Variants in SORCS3 observed in about 807,000 individuals in gnomAD.
SORCS3 encodes VPS10 domain-containing receptor SorCS3.
In SORCS3, 57 loss-of-function variants were observed where a neutral mutation model predicts 146.3. That is an observed-to-expected ratio of 0.39 (90% CI 0.31 to 0.49). The LOEUF is 0.49. SORCS3 is among the 20% of genes least tolerant of loss of function. SORCS3 has a pLI of 0.92. For synonymous variants in SORCS3, 653 were observed against 618.5 expected (o/e 1.06, Z -0.83); for missense variants, 1,341 against 1,575.5 (o/e 0.85, Z 2.52).
intron 2 of SORCS3, among the ~76,000 whole-genome samples, chr10:104,891,158 G>A (rs1280033476): frequency 1.3e-5 from 2 of 152,178 alleles, no homozygotes; most frequent in African/African-American, 2.4e-5. Context: ...GAAGTTTTCT[G>A]AGGTATTCTA....
intron 22 of SORCS3, among the ~76,000 whole-genome samples, chr10:105,251,115 C>T (rs2056895349): frequency 6.6e-6 from 1 of 152,142 alleles, no homozygotes; most frequent in African/African-American, 2.4e-5. Context: ...ATACCCGAAA[C>T]TGGGTAATTT....
intron 2 of SORCS3, among the ~76,000 whole-genome samples, chr10:104,868,603 C>A (rs1367892888): frequency 1.3e-5 from 2 of 152,322 alleles, no homozygotes; most frequent in South Asian, 4.1e-4. Context: ...CTGATGGCAT[C>A]TCAGCCAGTG....
intron 13 of SORCS3, 59 bp from the exon 14 acceptor site, chr10:105,178,007 T>C: frequency 7.7e-7 from 1 of 1,303,588 alleles, no homozygotes; most frequent in Non-Finnish European, 1.1e-6. Context: ...GAAAAACGGT[T>C]ACAGAAGAGT....
intron 4 of SORCS3, among the ~76,000 whole-genome samples, chr10:105,000,381 GC>G (rs1338438912): frequency 2.0e-5 from 3 of 151,648 alleles, no homozygotes; most frequent in Non-Finnish European, 4.4e-5. Context: ...TTAAATATTA[GC>G]CCATTTTCAC....
chr10:105,051,897 A>G (rs2055415977), intron 5 of SORCS3, among the ~76,000 whole-genome samples: 1 of 152,176 alleles, frequency 6.6e-6, no homozygotes, highest in Non-Finnish European at 1.5e-5. Context: ...GAAATGTGAA[A>G]GCTCAGCTTG....
chr10:104,693,197 A>C (rs911540003), intron 1 of SORCS3, among the ~76,000 whole-genome samples: 16 of 152,186 alleles, frequency 1.1e-4, no homozygotes, highest in African/African-American at 3.4e-4. Context: ...GCATCAATCT[A>C]GTCTTTTGTT....
intron 5 of SORCS3, among the ~76,000 whole-genome samples, chr10:105,088,981 G>A (rs1242015162): frequency 2.0e-5 from 3 of 152,176 alleles, no homozygotes; most frequent in African/African-American, 7.2e-5. Flanking sequence ...TAGTAAATGA[G>A]TTTTTAATGT....
At chr10:105,039,627 T>C (rs1442754840) in intron 4 of SORCS3, among the ~76,000 whole-genome samples, 1 of 151,896 alleles carries the variant, frequency 6.6e-6, no homozygotes, top group Non-Finnish European at 1.5e-5. Flanking sequence ...CAGCTAATTT[T>C]TGTATTTTTA....
At chr10:104,777,061 A>G (rs1347610070) in intron 1 of SORCS3, among the ~76,000 whole-genome samples, 1 of 151,972 alleles carries the variant, frequency 6.6e-6, no homozygotes, top group Admixed American at 6.6e-5. Context: ...TCACAGTGGT[A>G]CCTCTTGCGC....
chr10:105,104,047 AC>A (rs1295838322), intron 6 of SORCS3, among the ~76,000 whole-genome samples: 1 of 152,052 alleles, frequency 6.6e-6, no homozygotes, highest in Non-Finnish European at 1.5e-5. Flanking sequence ...CATTTAAAGT[AC>A]CCATAGTTTA....
chr10:105,198,229 A>T lies in SORCS3; in HGVS notation c.2010-1770A>T, dbSNP rs182595380. 2.2e-3 allele frequency among the ~76,000 whole-genome samples: 335 copies of T among 152,304 alleles called. 3 individuals carry two copies. Among genetic ancestry groups the T allele is most frequent in the Admixed American group, 5.5e-3 (84 of 15,298 alleles). On this transcript the variant is annotated intron_variant, in intron 14 of 26. Transcript: ENST00000369701. ...TTTGTGATCCAGGAAGTAAATTTGA[A>T]CTATGTGGAGTCAACAGAAATATAT...
At chr10:105,090,545 T>C (rs2055694613) in intron 6 of SORCS3, among the ~76,000 whole-genome samples, 1 of 152,154 alleles carries the variant, frequency 6.6e-6, no homozygotes, top group African/African-American at 2.4e-5. Flanking sequence ...CCAGGAAAAA[T>C]AAAATCAGCT....
At chr10:105,012,319 G>GA (rs1435416227) in intron 4 of SORCS3, among the ~76,000 whole-genome samples, 1 of 151,996 alleles carries the variant, frequency 6.6e-6, no homozygotes, top group Admixed American at 6.5e-5. Flanking sequence ...AGCAGGTCAA[G>GA]AAAAAAATGC....
chr10:105,047,038 T>C (rs973539819), intron 5 of SORCS3, among the ~76,000 whole-genome samples: 3 of 152,096 alleles, frequency 2.0e-5, no homozygotes, highest in African/African-American at 7.2e-5. Flanking sequence ...CTGTTTTTTT[T>C]AATATTTAAA....
chr10:105,109,047 T>C (rs533082446), intron 7 of SORCS3, among the ~76,000 whole-genome samples: 14 of 152,330 alleles, frequency 9.2e-5, no homozygotes, highest in African/African-American at 2.9e-4. Context: ...TTTGAGTATT[T>C]GTATTTTTGT....
intron 3 of SORCS3, among the ~76,000 whole-genome samples, chr10:104,974,517 C>G (rs997228770): frequency 6.6e-6 from 1 of 152,174 alleles, no homozygotes; most frequent in Middle Eastern, 3.4e-3. Flanking sequence ...AGGATTGCAA[C>G]CCCTGCCTTT....
Position 105,217,049 on chromosome 10 carries a change from G to C in SORCS3, c.2661G>C (p.Gly887=), listed in dbSNP as rs757029048. ...TCAAGCACGTGTATAAGAGTGCGGGGATCTTCCAGGTGACAGCCTATGCAG... is the reference window on the plus strand; with the variant it reads ...TCAAGCACGTGTATAAGAGTGCGGGCATCTTCCAGGTGACAGCCTATGCAG... ...DGIKHVYKSA[G]IFQVTAYAEN... is the part of the protein sequence containing the mutation. Residue 887 remains glycine, a synonymous_variant, in exon 19 of 27, where the codon GGG becomes GGC. Transcript: ENST00000369701. 2 of 1,614,152 alleles carry C rather than the reference G, an allele frequency of 1.2e-6. No individual in the cohort carries two copies. The highest frequency in any genetic ancestry group is 2.2e-5 in the South Asian group (2 of 91,078).
intron 11 of SORCS3, 78 bp from the exon 12 acceptor site, chr10:105,164,224 CT>C: frequency 9.6e-7 from 1 of 1,045,170 alleles, no homozygotes; most frequent in Non-Finnish European, 1.5e-6. Flanking sequence ...CCTTTACTCT[CT>C]GCTCCCCCAT....
chr10:105,171,226 C>A (rs986585297), intron 13 of SORCS3, among the ~76,000 whole-genome samples: 2 of 152,116 alleles, frequency 1.3e-5, no homozygotes, highest in African/African-American at 2.4e-5. Context: ...GATAGGTAGC[C>A]AGATAGGCGT....
Sources: gnomAD v4.1 joint callset for allele counts (sites outside exome capture counted in the v4.1 genomes callset) on GRCh38, gnomAD v4.1.1 for gene constraint, MANE v1.5 for transcripts, NCBI Gene and HGNC (gene_info 2026-07-23, HGNC 2026-07-21) for gene names.